The following SASH1 variants were observed in gnomAD, a reference collection of about 807,000 sequenced individuals.
SASH1 encodes the protein SAM and SH3 domain-containing protein 1.
In SASH1, 44 loss-of-function variants were observed where a neutral mutation model predicts 125.2. That is an observed-to-expected ratio of 0.35 (90% CI 0.28 to 0.45). The LOEUF (loss-of-function observed/expected upper bound fraction) is 0.45. Ranked by LOEUF, SASH1 falls within the 20% of genes least tolerant of loss-of-function variation. The pLI, the probability that SASH1 is intolerant of heterozygous loss-of-function variation, is 1.00. For missense variants in SASH1, 1,426 were observed against 1,614.5 expected (o/e 0.88, Z 2.00); for synonymous variants, 639 against 649.1 (o/e 0.98, Z 0.24).
chr6:148,465,184 T>G, intron 4 of SASH1, among the ~76,000 whole-genome samples: 1 of 152,186 alleles, frequency 6.6e-6, no homozygotes, highest in Non-Finnish European at 1.5e-5. Flanking sequence ...ATTCACAATT[T>G]GTGTTTTCAC....
chr6:148,445,368 G>A (rs1337064910), intron 4 of SASH1, among the ~76,000 whole-genome samples: 1 of 152,100 alleles, frequency 6.6e-6, no homozygotes, highest in Non-Finnish European at 1.5e-5. Context: ...GCTCAATCTC[G>A]GATTTGTGTC....
rs753116145 is a variant in SASH1 at position 148,540,450 on chromosome 6, C to T, written c.2103C>T (p.Ser701=). Residue 701 remains serine (S), a synonymous_variant, in exon 17 of 20, where the codon AGC becomes AGT. Coordinates refer to ENST00000367467, the MANE Select transcript of SASH1 (RefSeq NM_015278.5). ...VELLQEYDSN[S]DQSGSQEKLL... ...CCGTGTTCTCTCCTCTAGGTAACAG[C>T]GACCAGTCAGGATCCCAGGAGAAGC... 27 of 1,613,566 alleles carry T rather than the reference C, an allele frequency of 1.7e-5. No homozygotes were observed. Among genetic ancestry groups the T allele is most frequent in the Non-Finnish European group, 1.9e-5 (23 of 1,179,632 alleles).
At chr6:148,420,250 T>C (rs1356137138) in intron 2 of SASH1, among the ~76,000 whole-genome samples, 1 of 152,208 alleles carries the variant, frequency 6.6e-6, no homozygotes, top group Non-Finnish European at 1.5e-5. Flanking sequence ...ACTCTGGGTC[T>C]GTAGAAGGAA....
At chr6:148,203,433 A>G in the SASH1 span, among the ~76,000 whole-genome samples, 1 of 152,074 alleles carries the variant, frequency 6.6e-6, no homozygotes, top group African/African-American at 2.4e-5. Context: ...GCAGCTGACT[A>G]CAAATAAGGA....
At chr6:148,222,860 C>T in the SASH1 span, among the ~76,000 whole-genome samples, 1 of 151,776 alleles carries the variant, frequency 6.6e-6, no homozygotes, top group Non-Finnish European at 1.5e-5. Flanking sequence ...GGAATGGAAA[C>T]TTCTCTTATC....
rs10673654 is a variant in SASH1, at chr6:148,358,733, G to GTTTT, written c.156+15527_156+15530dup. ...TCCTGTTTCCTAATGCCATGTTTTT[G>GTTTT]TTTTTTTTTTTTTTTTTTTTGAGAC... On this transcript the variant is annotated intron_variant, in intron 1 of 19. Coordinates refer to ENST00000367467, the MANE Select transcript of SASH1 (RefSeq NM_015278.5). Among the ~76,000 whole-genome samples, 514 of 120,832 alleles carry GTTTT rather than the reference G, an allele frequency of 4.3e-3. 6 individuals carry two copies. Among genetic ancestry groups the GTTTT allele is most frequent in the Middle Eastern group, 5.9e-3 (1 of 170 alleles). 79.3% of individuals were successfully genotyped at this position (120,832 alleles called of 152,430 possible).
At chr6:148,477,692 A>ATTTTTTT (rs71004300) in intron 7 of SASH1, among the ~76,000 whole-genome samples, 3 of 95,838 alleles carry the variant, frequency 3.1e-5, no homozygotes, top group Non-Finnish European at 5.7e-5. Context: ...CACCTGGCTA[A>ATTTTTTT]TTTTTTTTTT....
At chr6:148,313,615 C>A (rs532651905) in intron 1 of SASH1, among the ~76,000 whole-genome samples, 1 of 152,206 alleles carries the variant, frequency 6.6e-6, no homozygotes, top group East Asian at 1.9e-4. Context: ...CTTCCACTGC[C>A]CCCACTACCC....
the SASH1 span, among the ~76,000 whole-genome samples, chr6:148,193,851 AAC>A: frequency 6.6e-6 from 1 of 152,220 alleles, no homozygotes; most frequent in East Asian, 1.9e-4. Context: ...GAAGAATACT[AAC>A]AGCTATGGGC....
At chr6:148,419,808 A>G (rs1194204327) in intron 2 of SASH1, among the ~76,000 whole-genome samples, 3 of 152,216 alleles carry the variant, frequency 2.0e-5, no homozygotes, top group African/African-American at 4.8e-5. Context: ...ATGTAGTAAT[A>G]TGCATAACCT....
upstream of SASH1, among the ~76,000 whole-genome samples, chr6:148,338,051 G>C (rs377600961): frequency 6.8e-4 from 73 of 107,832 alleles, no homozygotes; most frequent in African/African-American, 1.5e-3. Context: ...CATCTTCAAT[G>C]GAATATCTAC....
intron 2 of SASH1, among the ~76,000 whole-genome samples, chr6:148,413,466 G>A (rs565900742): frequency 6.6e-6 from 1 of 152,248 alleles, no homozygotes; most frequent in Non-Finnish European, 1.5e-5. Context: ...AGGGAGAAAG[G>A]GGAGGAGGAA....
At position 148,534,065 on chromosome 6, in the gene SASH1, G is replaced by T. The variant is rs554760935; in HGVS notation, c.1944+85G>T. 1.1e-3 allele frequency: 1,348 copies of T among 1,232,868 alleles called. 9 individuals are homozygous for T. In the African/African-American group the frequency reaches 0.018, roughly 16 times the overall value. 76.4% of individuals were successfully genotyped at this position (1,232,868 alleles called of 1,614,324 possible). The stretch of plus-strand genomic sequence containing the variant: ...CTAAGCAAGTGAGGGCATTTTTAGG[G>T]TAGGGTTGGGGCTGATCTGTGTGGT... On this transcript the variant is annotated intron_variant, in intron 15 of 19. Coordinates refer to ENST00000367467, the MANE Select transcript of SASH1 (RefSeq NM_015278.5).
chr6:148,373,025 C>G (rs1327522833), intron 1 of SASH1, among the ~76,000 whole-genome samples: 1 of 151,944 alleles, frequency 6.6e-6, no homozygotes, highest in Non-Finnish European at 1.5e-5. Context: ...AACCCTGTCT[C>G]TACTAAAAAT....
At chr6:148,274,963 G>A (rs982746943) in intron 1 of SASH1, among the ~76,000 whole-genome samples, 2 of 152,102 alleles carry the variant, frequency 1.3e-5, no homozygotes, top group African/African-American at 4.8e-5. Flanking sequence ...TTGGACACCA[G>A]GGATTCAATG....
chr6:148,510,514 C>T (rs1362232233), intron 8 of SASH1, among the ~76,000 whole-genome samples: 1 of 152,074 alleles, frequency 6.6e-6, no homozygotes, highest in African/African-American at 2.4e-5. Context: ...AGTGCTGAAC[C>T]TATTTCTTAG....
At chr6:148,218,014 C>CAAAAAAAAA in the SASH1 span, among the ~76,000 whole-genome samples, 1 of 138,158 alleles carries the variant, frequency 7.2e-6, no homozygotes, top group Non-Finnish European at 1.6e-5. Context: ...GACTCTGTCT[C>CAAAAAAAAA]AAAAAAAAAA....
chr6:148,490,922 T>C (rs1368683755), intron 8 of SASH1, among the ~76,000 whole-genome samples: 1 of 152,244 alleles, frequency 6.6e-6, no homozygotes, highest in East Asian at 1.9e-4. Context: ...TTTTTCATTC[T>C]TCTGCCCTTT....
intron 10 of SASH1, 173 bp downstream of exon 10, chr6:148,520,066 C>A: frequency 1.7e-6 from 1 of 595,070 alleles, no homozygotes; most frequent in Non-Finnish European, 3.0e-6. Flanking sequence ...AAAGGCGTCA[C>A]CAGCACCACC....
Sources: gnomAD v4.1 joint callset for allele counts (sites outside exome capture counted in the v4.1 genomes callset) on GRCh38, gnomAD v4.1.1 for gene constraint, MANE v1.5 for transcripts, NCBI Gene and HGNC (gene_info 2026-07-23, HGNC 2026-07-21) for gene names.